Variants in NAV2 observed in about 807,000 individuals in gnomAD.
NAV2 encodes neuron navigator 2.
NAV2 carries 54 observed loss-of-function variants against 223.2 expected under a neutral mutation model. That is an observed-to-expected ratio of 0.24 (90% CI 0.19 to 0.30). NAV2 has a LOEUF of 0.30. NAV2 is among the 10% of genes least tolerant of loss of function. The pLI is 1.00. For synonymous variants in NAV2, 1,279 were observed against 1,239.3 expected (o/e 1.03, Z -0.67); for missense variants, 2,806 against 3,147.5 (o/e 0.89, Z 2.60).
intron 3 of NAV2, among the ~76,000 whole-genome samples, chr11:19,866,802 A>G (rs771472096): frequency 1.3e-5 from 2 of 152,160 alleles, no homozygotes; most frequent in Non-Finnish European, 2.9e-5. Flanking sequence ...ACTTCCCAGA[A>G]TAAATATCGA....
chr11:19,407,556 G>A (rs1176580077), intron 1 of NAV2, among the ~76,000 whole-genome samples: 1 of 152,176 alleles, frequency 6.6e-6, no homozygotes, highest in Non-Finnish European at 1.5e-5. Context: ...TTCACCAGTG[G>A]ACAATGGGAT....
chr11:19,572,757 G>A (rs1382970652), intron 1 of NAV2, among the ~76,000 whole-genome samples: 2 of 152,162 alleles, frequency 1.3e-5, no homozygotes. Context: ...TTCTTCATCT[G>A]TAAAATGGGA....
intron 11 of NAV2, among the ~76,000 whole-genome samples, chr11:20,004,226 A>G (rs573629027): frequency 3.9e-5 from 6 of 152,340 alleles, no homozygotes; most frequent in South Asian, 2.1e-4. Context: ...GCTATTTTGT[A>G]TGTTCACCAG....
At position 19,481,779 on chromosome 11, in the gene NAV2, G is replaced by A. The variant is rs191698692; in HGVS notation, c.75+130752G>A. ...AATATACTCTGTAGTTGAGTGTATT[G>A]ATATTTCATGCATACCAAGGTGCTT... On this transcript the variant is annotated intron_variant, in intron 1 of 37. Coordinates refer to the NAV2 transcript ENST00000360655. Among the ~76,000 whole-genome samples the A allele has an allele frequency of 3.9e-5, 6 of 152,342 alleles. No homozygotes were observed. In the East Asian group the frequency reaches 1.2e-3, roughly 29 times the overall value.
chr11:19,860,428 C>G (rs1054036572), intron 3 of NAV2, among the ~76,000 whole-genome samples: 2 of 146,352 alleles, frequency 1.4e-5, no homozygotes, highest in Admixed American at 1.4e-4. Flanking sequence ...ACATCTCAGA[C>G]GATGGGTGGC....
At chr11:19,976,745 A>G (rs2049794362) in intron 10 of NAV2, among the ~76,000 whole-genome samples, 1 of 152,216 alleles carries the variant, frequency 6.6e-6, no homozygotes, top group Non-Finnish European at 1.5e-5. Context: ...CTCACTTTGC[A>G]GCAGAGAAGC....
At chr11:19,702,366 T>G (rs2049533172) in intron 1 of NAV2, among the ~76,000 whole-genome samples, 1 of 152,198 alleles carries the variant, frequency 6.6e-6, no homozygotes, top group African/African-American at 2.4e-5. Context: ...TGTTTATTAG[T>G]TTGGGAGAAG....
intron 1 of NAV2, among the ~76,000 whole-genome samples, chr11:19,782,222 C>T (rs7934511): frequency 6.6e-6 from 1 of 152,014 alleles, no homozygotes; most frequent in Non-Finnish European, 1.5e-5. Context: ...TATGCATTTC[C>T]GCTGTGGGTA....
chr11:19,533,331 C>T (rs2044085248), intron 1 of NAV2, among the ~76,000 whole-genome samples: 1 of 152,048 alleles, frequency 6.6e-6, no homozygotes, highest in Admixed American at 6.6e-5. Flanking sequence ...CGACAACTCC[C>T]CATCCCCAGC....
At chr11:19,540,970 GAGAAA>G (rs1193513433) in intron 1 of NAV2, among the ~76,000 whole-genome samples, 1 of 152,174 alleles carries the variant, frequency 6.6e-6, no homozygotes, top group African/African-American at 2.4e-5. Context: ...GAGAATACAA[GAGAAA>G]AGAAAAGAAA....
chr11:20,087,403 G>C (rs530139450), intron 26 of NAV2, among the ~76,000 whole-genome samples: 54 of 152,260 alleles, frequency 3.5e-4, no homozygotes, highest in African/African-American at 1.3e-3. Context: ...GCAAATGCTT[G>C]TTTCCAACCT....
intron 1 of NAV2, among the ~76,000 whole-genome samples, chr11:19,791,843 G>A (rs1443031226): frequency 3.3e-5 from 5 of 152,176 alleles, no homozygotes; most frequent in Admixed American, 6.5e-5. Context: ...CATTCACTCC[G>A]CTGTAGTGTG....
At chr11:19,716,726 C>T (rs1353089344) in intron 1 of NAV2, among the ~76,000 whole-genome samples, 7 of 152,156 alleles carry the variant, frequency 4.6e-5, no homozygotes, top group Non-Finnish European at 1.0e-4. Context: ...TACAGAAACA[C>T]TTAAATCAGG....
chr11:19,768,001 C>CGGCAG (rs2055365752), intron 1 of NAV2, among the ~76,000 whole-genome samples: 2 of 152,350 alleles, frequency 1.3e-5, no homozygotes, highest in South Asian at 4.1e-4. Context: ...TGATGTTTAC[C>CGGCAG]AGCTCTAAGA....
intron 37 of NAV2, 69 bp downstream of exon 37, chr11:20,114,864 A>G: frequency 7.0e-6 from 10 of 1,436,946 alleles, no homozygotes; most frequent in Middle Eastern, 2.4e-4. Context: ...TATGATGCAG[A>G]GCCTCTGGAA....
intron 4 of NAV2, among the ~76,000 whole-genome samples, chr11:19,878,729 G>T (rs575307350): frequency 7.9e-5 from 12 of 152,272 alleles, no homozygotes; most frequent in African/African-American, 2.6e-4. Context: ...CTGGCAGGGC[G>T]CACTTCCTCC....
At chr11:19,460,863 T>C (rs1852133231) in intron 1 of NAV2, among the ~76,000 whole-genome samples, 1 of 152,112 alleles carries the variant, frequency 6.6e-6, no homozygotes, top group Non-Finnish European at 1.5e-5. Flanking sequence ...CTGGCAGCCC[T>C]GGGGTAGATG....
In NAV2 at chr11:19,812,979, C is replaced by T. The variant is rs565589837; in HGVS notation, c.268-19505C>T. On this transcript the variant is annotated intron_variant, in intron 1 of 37. Coordinates refer to ENST00000349880, the MANE Select transcript of NAV2 (RefSeq NM_145117.5). ...TTTACTTCTTCTAATAACCTTCCAC[C>T]TGAAGCCTATACTCATTCCCTTGTT... is the stretch of plus-strand genomic sequence containing the variant. 9.2e-5 allele frequency among the ~76,000 whole-genome samples: 14 copies of T among 152,212 alleles called. No homozygotes were observed. In the South Asian group the frequency reaches 2.7e-3, roughly 29 times the overall value.
At chr11:19,954,371 G>A (rs896358096) in intron 10 of NAV2, among the ~76,000 whole-genome samples, 5 of 152,058 alleles carry the variant, frequency 3.3e-5, no homozygotes, top group Non-Finnish European at 5.9e-5. Flanking sequence ...GGGAGACTCC[G>A]TTCTTCAGAA....
Sources: gnomAD v4.1 joint callset for allele counts (sites outside exome capture counted in the v4.1 genomes callset) on GRCh38, gnomAD v4.1.1 for gene constraint, MANE v1.5 for transcripts, NCBI Gene and HGNC (gene_info 2026-07-23, HGNC 2026-07-21) for gene names.